Variants in OSBPL5 observed in about 807,000 individuals in gnomAD.
OSBPL5 encodes the protein oxysterol binding protein like 5, also known as oxysterol-binding protein-related protein 5.
OSBPL5 carries 71 observed loss-of-function variants against 111.2 expected under a neutral mutation model. The observed-to-expected ratio is 0.64, with a 90% CI of 0.53 to 0.78. The LOEUF is 0.78. Ranked by LOEUF, OSBPL5 falls within the 30% of genes least tolerant of loss-of-function variation. OSBPL5 has a pLI of 0.00. For synonymous variants in OSBPL5, 549 were observed against 513.9 expected, an observed-to-expected ratio of 1.07 and a Z score of -0.93; for missense variants, 1,210 against 1,189.3, an observed-to-expected ratio of 1.02 and a Z score of -0.26.
rs1590708486 is a variant in OSBPL5 at position 3,141,040 on chromosome 11, T to G, written c.-21-11871A>C. On this transcript the variant is annotated intron_variant, in intron 1 of 21. Coordinates refer to ENST00000263650, the MANE Select transcript of OSBPL5 (RefSeq NM_020896.4). This position sits in a 1 kb window ranked among gnomAD's most constrained non-coding sequence, Gnocchi z 6.5. Reference sequence around the variant, plus strand: ...AGGACCCTGGGGGCACCAACTTGGGTGGGGGTCAGCCCAATGCCTTGTACG... The same window carrying G: ...AGGACCCTGGGGGCACCAACTTGGGGGGGGGTCAGCCCAATGCCTTGTACG... 6.6e-6 allele frequency among the ~76,000 whole-genome samples: 1 copy of G among 152,074 alleles called. No homozygotes were observed. The highest frequency in any genetic ancestry group is 6.5e-5 in the Admixed American group (1 of 15,288).
chr11:3,103,772 C>G (rs1857563186), intron 10 of OSBPL5, among the ~76,000 whole-genome samples: 1 of 55,750 alleles, frequency 1.8e-5, no homozygotes, highest in Non-Finnish European at 4.8e-5. Flanking sequence ...CAGCCCCCTT[C>G]CAGCCTCTGC....
chr11:3,118,974 G>T (rs1304098197), intron 7 of OSBPL5, among the ~76,000 whole-genome samples: 1 of 151,470 alleles, frequency 6.6e-6, no homozygotes, highest in East Asian at 1.9e-4. Flanking sequence ...GCTTTTATAA[G>T]GTCACTGGGT....
Position 3,107,715 on chromosome 11 carries a change from G to A in OSBPL5, c.866+56C>T, listed in dbSNP as rs58961916. On this transcript the variant is annotated intron_variant, in intron 8 of 21. Transcript: ENST00000263650. This position sits in a 1 kb window ranked among gnomAD's most constrained non-coding sequence, Gnocchi z 6.1. The stretch of plus-strand genomic sequence containing the variant: ...GGGGCTGTCCTCTCCCCTCTTCCTC[G>A]CCTACAAGGAGACCCCGTGAATCAC... The A allele has an allele frequency of 0.045, 71,381 of 1,587,150 alleles. 3,209 individuals carry two copies. Among genetic ancestry groups the A allele is most frequent in the African/African-American group, 0.19 (14,487 of 74,624 alleles).
intron 1 of OSBPL5, among the ~76,000 whole-genome samples, chr11:3,143,515 G>A (rs111675306): frequency 0.021 from 3,218 of 152,304 alleles, 46 homozygotes; most frequent in Non-Finnish European, 0.029. Context: ...AAGAACATTC[G>A]GCCTTCAGGA....
chr11:3,112,750 T>C (rs1312323886), intron 7 of OSBPL5, among the ~76,000 whole-genome samples: 1 of 152,204 alleles, frequency 6.6e-6, no homozygotes, highest in South Asian at 2.1e-4. Context: ...AATCCTATGA[T>C]AGATTTCTAT....
intron 14 of OSBPL5, 52 bp from the exon 15 acceptor site, chr11:3,094,386 C>T (rs765148591): frequency 1.3e-6 from 2 of 1,503,756 alleles, no homozygotes; most frequent in Non-Finnish European, 1.8e-6. Context: ...TGCTGAGCCC[C>T]AGGCCCTGCT....
intron 1 of OSBPL5, among the ~76,000 whole-genome samples, chr11:3,152,094 A>G (rs1460110144): frequency 6.6e-6 from 1 of 152,194 alleles, no homozygotes; most frequent in Non-Finnish European, 1.5e-5. Flanking sequence ...GGACAAGAGT[A>G]TGGGTCTTTA....
rs1405679076 is a variant in OSBPL5 at position 3,154,554 on chromosome 11, T to G, written c.-22+10662A>C. Among the ~76,000 whole-genome samples, 2 of 152,080 alleles carry G rather than the reference T, an allele frequency of 1.3e-5. No individual in the cohort carries two copies. The highest frequency in any genetic ancestry group is 6.5e-5 in the Admixed American group (1 of 15,278). ...TGAAATCTGAGAACACTGCACACAC[T>G]CATGGGTGCGGAAGGCTCTGATCAC... On this transcript the variant is annotated intron_variant, in intron 1 of 21. Transcript: ENST00000263650. This position sits in a 1 kb window ranked among gnomAD's most constrained non-coding sequence, Gnocchi z 4.9.
At chr11:3,152,529 C>T (rs1846622126) in intron 1 of OSBPL5, among the ~76,000 whole-genome samples, 1 of 152,144 alleles carries the variant, frequency 6.6e-6, no homozygotes, top group Non-Finnish European at 1.5e-5. Flanking sequence ...CCTTGGTTTT[C>T]ACCAGGTCCC....
chr11:3,153,097 C>T (rs755295231), intron 1 of OSBPL5, among the ~76,000 whole-genome samples: 3 of 152,118 alleles, frequency 2.0e-5, no homozygotes, highest in South Asian at 2.1e-4. Flanking sequence ...CAGGGGGTCC[C>T]GGCTACGAGG....
chr11:3,120,296 GAGAC>G, intron 6 of OSBPL5, 121 bp downstream of exon 6: 2 of 1,198,906 alleles, frequency 1.7e-6, no homozygotes, highest in Non-Finnish European at 2.3e-6. Flanking sequence ...CAGAGAAGGT[GAGAC>G]ACCTGCTCAA....
chr11:3,143,719 G>A (rs1168145087), intron 1 of OSBPL5, among the ~76,000 whole-genome samples: 1 of 152,218 alleles, frequency 6.6e-6, no homozygotes, highest in Non-Finnish European at 1.5e-5. Flanking sequence ...CCGGTTTCCT[G>A]GGGCTCTTTG....
At chr11:3,144,503 C>T (rs958499072) in intron 1 of OSBPL5, among the ~76,000 whole-genome samples, 1 of 152,190 alleles carries the variant, frequency 6.6e-6, no homozygotes, top group Admixed American at 6.5e-5. Flanking sequence ...GCTCCGTGGC[C>T]GGGACCAGCT....
chr11:3,103,793 T>TGCCTCTGCAGCCCCCTTCCA (rs1857570668), intron 10 of OSBPL5, among the ~76,000 whole-genome samples: 3 of 35,264 alleles, frequency 8.5e-5, no homozygotes, highest in Non-Finnish European at 2.7e-4. Flanking sequence ...AGTCCCTTCC[T>TGCCTCTGCAGCCCCCTTCCA]GCCTCTGCAG....
At chr11:3,149,548 G>A (rs560828608) in intron 1 of OSBPL5, among the ~76,000 whole-genome samples, 53 of 152,354 alleles carry the variant, frequency 3.5e-4, no homozygotes, top group African/African-American at 4.3e-4. Context: ...CGCGCAGGCC[G>A]TGGGGACAGT....
intron 1 of OSBPL5, chr11:3,164,254 GCCGCTTCGGCGGGGCAGAC>G (rs1426800192): frequency 6.6e-6 from 1 of 152,364 alleles, no homozygotes; most frequent in African/African-American, 2.4e-5. Context: ...AATCCACCCA[GCCGCTTCGGCGGGGCAGAC>G]CCGCTCAGCC....
In OSBPL5 at chr11:3,113,965, T is replaced by C. The variant is rs556428001; in HGVS notation, c.691+5582A>G. 9.2e-5 allele frequency among the ~76,000 whole-genome samples: 14 copies of C among 152,312 alleles called. No individual in the cohort carries two copies. Among genetic ancestry groups the C allele is most frequent in the African/African-American group, 3.4e-4 (14 of 41,582 alleles). ...AATGGTGTTTCCATAATTTAAATAA[T>C]GACAATTGCAGTTTTTATAAATAAT... On this transcript the variant is annotated intron_variant, in intron 7 of 21. Transcript: ENST00000263650. This position sits in a 1 kb window ranked among gnomAD's most constrained non-coding sequence, Gnocchi z 4.8.
intron 11 of OSBPL5, among the ~76,000 whole-genome samples, chr11:3,102,971 G>A (rs1590648345): frequency 6.6e-6 from 1 of 152,310 alleles, no homozygotes; most frequent in East Asian, 1.9e-4. Flanking sequence ...GTTTTCTTGG[G>A]GGGTGGGGAA....
rs901863545 is a variant in OSBPL5 at position 3,154,818 on chromosome 11, T to G, written c.-22+10398A>C. On this transcript the variant is annotated intron_variant, in intron 1 of 21. Transcript: ENST00000263650. The surrounding 1 kb of genome is among the most constrained non-coding windows in gnomAD (Gnocchi z 4.9). ...GAGCCCCCTATATACCTAATGTAAA[T>G]GACGAGTTAATGGGTGCGGCACACC... 2.6e-5 allele frequency among the ~76,000 whole-genome samples: 4 copies of G among 151,988 alleles called. No homozygotes were observed. The highest frequency in any genetic ancestry group is 5.9e-5 in the Non-Finnish European group (4 of 68,012).
Sources: allele counts gnomAD v4.1 joint callset (sites outside exome capture counted in the v4.1 genomes callset), GRCh38; gene constraint gnomAD v4.1.1; non-coding constraint Gnocchi (gnomAD v3.1); transcripts MANE v1.5; gene names NCBI Gene and HGNC (gene_info 2026-07-23, HGNC 2026-07-21).